CSMD3: variants seen among roughly 807,000 people sequenced by gnomAD.
CSMD3 encodes CUB and sushi domain-containing protein 3.
A neutral mutation model predicts 435.2 loss-of-function variants in CSMD3; 177 were observed. The observed-to-expected ratio is 0.41, with a 90% CI of 0.36 to 0.46. The LOEUF is 0.46. CSMD3 is among the 20% of genes least tolerant of loss of function. The pLI, the probability that CSMD3 is intolerant of heterozygous loss-of-function variation, is 0.34. For synonymous variants in CSMD3, 1,656 were observed against 1,520.5 expected (o/e 1.09, Z -2.07); for missense variants, 4,265 against 4,504.6 (o/e 0.95, Z 1.52).
intron 4 of CSMD3, among the ~76,000 whole-genome samples, chr8:113,153,130 A>AAGGAAGGAAGGAAGGAAGGAAG (rs2091858713): frequency 1.2e-5 from 1 of 82,736 alleles, no homozygotes; most frequent in East Asian, 4.0e-4. Flanking sequence ...AGAAAGAGAA[A>AAGGAAGGAAGGAAGGAAGGAAG]GAAGGAAGGA....
intron 5 of CSMD3, among the ~76,000 whole-genome samples, chr8:113,052,158 T>C (rs1323341794): frequency 6.6e-6 from 1 of 152,218 alleles, no homozygotes; most frequent in Non-Finnish European, 1.5e-5. Flanking sequence ...CCTTGGGTTT[T>C]TAAGTATTGG....
rs1003300224 is a variant in CSMD3 at position 112,534,980 on chromosome 8, AC to A, written c.4564+15690del. Among the ~76,000 whole-genome samples the A allele has an allele frequency of 1.2e-3, 190 of 152,182 alleles. 1 individual carries two copies. Among genetic ancestry groups the A allele is most frequent in the African/African-American group, 3.9e-3 (162 of 41,556 alleles). On this transcript the variant is annotated intron_variant, in intron 27 of 70. Coordinates refer to ENST00000297405, the MANE Select transcript of CSMD3 (RefSeq NM_198123.2). ...AAAAGGCCTTTGACAAAATTCAACA[AC>A]CCTTCATGCTAAAAACTCTCAATAA...
intron 59 of CSMD3, among the ~76,000 whole-genome samples, chr8:112,269,424 C>G (rs1817255760): frequency 2.0e-5 from 3 of 152,112 alleles, no homozygotes; most frequent in Non-Finnish European, 2.9e-5. Context: ...GGGGGTTGGT[C>G]CTTTTGGACG....
chr8:112,318,522 C>A (rs1822688122), intron 47 of CSMD3, among the ~76,000 whole-genome samples: 1 of 151,922 alleles, frequency 6.6e-6, no homozygotes, highest in Non-Finnish European at 1.5e-5. Flanking sequence ...AACATTGAAA[C>A]CTTTATTTAA....
At chr8:113,323,682 A>G (rs2093964079) in intron 1 of CSMD3, among the ~76,000 whole-genome samples, 1 of 152,210 alleles carries the variant, frequency 6.6e-6, no homozygotes, top group South Asian at 2.1e-4. Context: ...TTTTATTCAC[A>G]TGTTCTTTCA....
chr8:112,301,712 C>T (rs866762043), intron 53 of CSMD3, 81 bp downstream of exon 53: 2 of 996,408 alleles, frequency 2.0e-6, no homozygotes, highest in Middle Eastern at 4.1e-4. Flanking sequence ...ATTAGTATCT[C>T]ATATTAGGGA....
chr8:112,550,980 T>C (rs773186062), intron 26 of CSMD3, 107 bp from the exon 27 acceptor site: 170 of 770,938 alleles, frequency 2.2e-4, no homozygotes, highest in Non-Finnish European at 3.3e-4. Flanking sequence ...TCTTTTTTGC[T>C]ATGTGTTAAA....
At chr8:112,468,134 A>C (rs1818138597) in intron 32 of CSMD3, among the ~76,000 whole-genome samples, 2 of 152,160 alleles carry the variant, frequency 1.3e-5, no homozygotes, top group South Asian at 4.1e-4. Flanking sequence ...ATGTGAAATT[A>C]ATCCAGATAT....
At chr8:112,399,179 C>G (rs559264873) in intron 35 of CSMD3, among the ~76,000 whole-genome samples, 140 of 151,988 alleles carry the variant, frequency 9.2e-4, no homozygotes, top group Non-Finnish European at 1.7e-3. Flanking sequence ...CGGCTAAACT[C>G]TTAAAGTTCT....
chr8:113,433,045 C>T (rs1434135468), intron 1 of CSMD3, among the ~76,000 whole-genome samples: 1 of 152,090 alleles, frequency 6.6e-6, no homozygotes, highest in Admixed American at 6.6e-5. Context: ...AATGAGTATT[C>T]CCACAGGAAA....
chr8:112,754,835 G>A (rs2077652808), intron 13 of CSMD3, among the ~76,000 whole-genome samples: 1 of 152,132 alleles, frequency 6.6e-6, no homozygotes, highest in African/African-American at 2.4e-5. Context: ...AGTCTCATAT[G>A]AGCACTTCAT....
intron 4 of CSMD3, among the ~76,000 whole-genome samples, chr8:113,151,450 T>C (rs562154202): frequency 1.8e-3 from 272 of 151,746 alleles, no homozygotes; most frequent in Non-Finnish European, 3.4e-3. Context: ...CTGTATTAAA[T>C]AATAATAACA....
chr8:113,022,239 TA>T lies in CSMD3; in HGVS notation c.918-3061del, dbSNP rs1417801917. Among the ~76,000 whole-genome samples the T allele has an allele frequency of 5.3e-5, 8 of 152,150 alleles. No homozygotes were observed. In the South Asian group the frequency reaches 1.2e-3, roughly 24 times the overall value. ...TAGATAATTACTAAAGGAGATATTC[TA>T]AAATATAACTTATTGTTATCCCTGT... On this transcript the variant is annotated intron_variant, in intron 5 of 70. Transcript: ENST00000297405.
intron 2 of CSMD3, among the ~76,000 whole-genome samples, chr8:113,290,665 TAAAGA>T (rs1241879854): frequency 6.6e-6 from 1 of 151,636 alleles, no homozygotes; most frequent in East Asian, 1.9e-4. Context: ...GAATACATCA[TAAAGA>T]AAACATTAAC....
intron 3 of CSMD3, among the ~76,000 whole-genome samples, chr8:113,276,279 G>T (rs1425730134): frequency 6.6e-6 from 1 of 152,146 alleles, no homozygotes; most frequent in Non-Finnish European, 1.5e-5. Flanking sequence ...TCATTAGCCA[G>T]ATGGGCCCAA....
At chr8:112,398,926 T>G (rs1489175301) in intron 35 of CSMD3, among the ~76,000 whole-genome samples, 1 of 152,084 alleles carries the variant, frequency 6.6e-6, no homozygotes, top group African/African-American at 2.4e-5. Context: ...AACTCTTTTT[T>G]TTTTTTTTAA....
At chr8:112,343,397 C>A (rs931608279) in intron 41 of CSMD3, among the ~76,000 whole-genome samples, 2 of 152,060 alleles carry the variant, frequency 1.3e-5, no homozygotes, top group Non-Finnish European at 2.9e-5. Context: ...TTTAGAGTTT[C>A]CACATTTTAG....
intron 10 of CSMD3, among the ~76,000 whole-genome samples, chr8:112,863,494 T>A (rs2080883244): frequency 6.6e-6 from 1 of 152,004 alleles, no homozygotes; most frequent in South Asian, 2.1e-4. Context: ...TTTTTCTTAA[T>A]ATTGACCTAC....
intron 5 of CSMD3, among the ~76,000 whole-genome samples, chr8:113,040,139 T>G (rs2131282492): frequency 6.6e-6 from 1 of 151,978 alleles, no homozygotes; most frequent in African/African-American, 2.4e-5. Flanking sequence ...ATTAGCAGAG[T>G]TATGAAGGAA....
Sources: allele counts gnomAD v4.1 joint callset (sites outside exome capture counted in the v4.1 genomes callset), GRCh38; gene constraint gnomAD v4.1.1; transcripts MANE v1.5; gene names NCBI Gene and HGNC (gene_info 2026-07-23, HGNC 2026-07-21).